Variants in FUS observed in about 807,000 individuals in gnomAD.
The protein encoded by FUS is FUS RNA binding protein.
A neutral mutation model predicts 82.7 loss-of-function variants in FUS; 5 were observed. That is an observed-to-expected ratio of 0.06 (90% CI 0.03 to 0.13). The LOEUF (loss-of-function observed/expected upper bound fraction) is 0.13. Ranked by LOEUF, FUS falls within the 10% of genes least tolerant of loss-of-function variation. The pLI is 1.00. For synonymous variants in FUS, 281 were observed against 247.4 expected (o/e 1.14, Z -1.27); for missense variants, 512 against 707.8 (o/e 0.72, Z 3.14).
rs2079225191 is a variant in FUS at position 31,184,229 on chromosome 16, G to C, written c.356G>C (p.Ser119Thr). The C allele has an allele frequency of 6.2e-7, 1 of 1,614,144 alleles. No homozygotes were observed. The highest frequency in any genetic ancestry group is 2.2e-5 in the East Asian group (1 of 44,878). ...TSGSYGSSSQ[S>T]SSYGQPQSGS... is the part of the protein sequence containing the mutation. ...CCTAGTTACGGTAGCAGTTCTCAGA[G>C]CAGCAGCTATGGGCAGCCCCAGAGT... The change falls in exon 5 of 15, where the codon AGC becomes ACC. Residue 119 changes from serine to threonine, a missense_variant. Ser to Thr is a moderately conservative substitution (Grantham distance 58). This residue lies in a region of FUS where 276 missense variants were observed against 303.3 expected (regional missense o/e 0.91). Coordinates refer to ENST00000254108, the MANE Select transcript of FUS (RefSeq NM_004960.4).
chr16:31,181,773 C>T (rs368851730), intron 1 of FUS, among the ~76,000 whole-genome samples: 1 of 152,210 alleles, frequency 6.6e-6, no homozygotes, highest in South Asian at 2.1e-4. Flanking sequence ...GAAACGAATG[C>T]GCGATGTTTT....
At chr16:31,185,361 G>A in intron 6 of FUS, 182 bp downstream of exon 6, 1 of 727,936 alleles carries the variant, frequency 1.4e-6, no homozygotes, top group East Asian at 2.7e-5. Context: ...TGAGAACTTG[G>A]GAGCCTGAAC....
rs140180227 is a variant in FUS, at chr16:31,181,767, C to T, written c.14-631C>T. On this transcript the variant is annotated intron_variant, in intron 1 of 14. Coordinates refer to ENST00000254108, the MANE Select transcript of FUS (RefSeq NM_004960.4). ...TGGCTTTCTCATAGAGTGGATGAAACGAATGCGCGATGTTTTAGAGCAATC... is the reference window on the plus strand; with the variant it reads ...TGGCTTTCTCATAGAGTGGATGAAATGAATGCGCGATGTTTTAGAGCAATC... Among the ~76,000 whole-genome samples the T allele has an allele frequency of 3.3e-4, 50 of 152,228 alleles. 1 individual carries two copies. The South Asian group carries it at 0.01, about 31-fold the overall frequency.
intron 6 of FUS, chr16:31,185,986 G>C (rs1278769839): frequency 8.5e-6 from 2 of 236,392 alleles, no homozygotes; most frequent in Non-Finnish European, 1.7e-5. Flanking sequence ...CAGTGTTACT[G>C]TTTTTGGAAA....
rs2079359505 is a variant in FUS at position 31,191,469 on chromosome 16, T to C, written c.*31T>C. 1.2e-6 allele frequency: 2 copies of C among 1,612,102 alleles called. No homozygotes were observed. The highest frequency in any genetic ancestry group is 1.7e-6 in the Non-Finnish European group (2 of 1,178,406). On this transcript the variant is annotated 3_prime_UTR_variant, in exon 15 of 15. Transcript: ENST00000254108. ...CTGGCTCCCCAGGTTCTGGAACAGC[T>C]TTTTGTCCTGTACCCAGTGTTACCC...
intron 6 of FUS, chr16:31,186,299 T>A (rs1193479342): frequency 3.3e-6 from 1 of 302,044 alleles, no homozygotes. Flanking sequence ...TAGCTAAGTT[T>A]GTCTTGCTTT....
chr16:31,185,783 C>T (rs371078626), intron 6 of FUS: 1 of 300,158 alleles, frequency 3.3e-6, no homozygotes, highest in African/African-American at 2.1e-5. Flanking sequence ...GGTCTCCCAC[C>T]TATTTGTTCC....
rs767199471 is a variant in FUS, at chr16:31,191,023, G to A, written c.1454G>A (p.Arg485Gln). 7 of 1,613,766 alleles carry A rather than the reference G, an allele frequency of 4.3e-6. No individual in the cohort carries two copies. Among genetic ancestry groups the A allele is most frequent in the Non-Finnish European group, 5.9e-6 (7 of 1,179,952 alleles). The change falls in exon 14 of 15, where the codon CGG (arginine) becomes CAG (glutamine). Residue 485 changes from arginine (R) to glutamine (Q), a missense_variant. Physicochemically the swap from Arg to Gln is conservative, Grantham distance 43. Around this residue, in one of 6 missense-constraint regions of FUS, gnomAD observed 96 missense variants for 120.7 expected, o/e 0.80. Transcript: ENST00000254108. ...GGAGGCTATGATCGAGGCGGCTACCGGGGCCGCGGCGGGGACCGTGGAGGC... is the reference window on the plus strand; with the variant it reads ...GGAGGCTATGATCGAGGCGGCTACCAGGGCCGCGGCGGGGACCGTGGAGGC... ...GRGGYDRGGY[R>Q]GRGGDRGGFR...
chr16:31,191,263 G>C, intron 14 of FUS, 136 bp from the exon 15 acceptor site: 2 of 1,461,810 alleles, frequency 1.4e-6, no homozygotes, highest in Non-Finnish European at 1.9e-6. Context: ...ATTAACTCAG[G>C]GGGAGTGAAT....
chr16:31,191,935 T>A, downstream of FUS: 1 of 534,180 alleles, frequency 1.9e-6, no homozygotes, highest in South Asian at 1.5e-5. Context: ...TCTTTGATCT[T>A]TTGGCCCTTT....
intron 5 of FUS, 85 bp from the exon 6 acceptor site, chr16:31,184,854 C>G (rs936800380): frequency 2.9e-6 from 4 of 1,367,850 alleles, no homozygotes; most frequent in Non-Finnish European, 4.1e-6. Flanking sequence ...CATTGCCTGG[C>G]ACTTGTCAAA....
chr16:31,181,421 G>A (rs2079176146), intron 1 of FUS, among the ~76,000 whole-genome samples: 1 of 152,196 alleles, frequency 6.6e-6, no homozygotes, highest in Non-Finnish European at 1.5e-5. Flanking sequence ...CAGGGTAGGT[G>A]AGAAAACGGA....
At position 31,183,898 on chromosome 16, in the gene FUS, G is replaced by T. The variant is rs746093073; in HGVS notation, c.231G>T (p.Ser77=). Residue 77 remains serine (S), a synonymous_variant, in exon 4 of 15, where the codon TCG becomes TCT. Coordinates refer to ENST00000254108, the MANE Select transcript of FUS (RefSeq NM_004960.4). The part of the protein sequence containing the change: ...GTQSTPQGYG[S]TGGYGSSQSS... ...AGTCAACTCCCCAGGGATATGGCTC[G>T]ACTGGCGGCTATGGCAGTAGCCAGA... The T allele has an allele frequency of 4.8e-5, 78 of 1,610,804 alleles. No homozygotes were observed. The highest frequency in any genetic ancestry group is 6.6e-5 in the Non-Finnish European group (78 of 1,179,356).
chr16:31,190,004 CATTT>C, intron 10 of FUS, 32 bp from the exon 11 acceptor site: 1 of 1,582,654 alleles, frequency 6.3e-7, no homozygotes, highest in Non-Finnish European at 8.6e-7. Flanking sequence ...ATGTGTCTTG[CATTT>C]AAAGTCTGTT....
downstream of FUS, chr16:31,193,393 C>T: frequency 1.9e-6 from 1 of 526,440 alleles, no homozygotes; most frequent in Non-Finnish European, 3.7e-6. Context: ...CCTGCCACTG[C>T]TGGTTTCTTT....
At chr16:31,193,527 G>A (rs781466303), downstream of FUS, 4 of 529,486 alleles carry the variant, frequency 7.6e-6, no homozygotes, top group South Asian at 4.6e-5. Flanking sequence ...TAGGAGTGGA[G>A]GAGGTCGAAG....
At chr16:31,194,137 C>T (rs182444257), downstream of FUS, 10 of 531,962 alleles carry the variant, frequency 1.9e-5, no homozygotes, top group Middle Eastern at 5.1e-4. Context: ...CATCTTGTGC[C>T]GGGCCTTCCT....
intron 1 of FUS, among the ~76,000 whole-genome samples, chr16:31,181,542 C>T (rs966207173): frequency 6.6e-6 from 1 of 152,184 alleles, no homozygotes; most frequent in African/African-American, 2.4e-5. Context: ...TTTTGATTCT[C>T]TGGCTTTGCA....
downstream of FUS, chr16:31,193,456 G>C (rs1176079004): frequency 1.5e-5 from 8 of 527,640 alleles, no homozygotes; most frequent in Non-Finnish European, 2.9e-5. Context: ...GTTCACTGTT[G>C]GTGCTTTGCC....
Sources: allele counts gnomAD v4.1 joint callset (sites outside exome capture counted in the v4.1 genomes callset), GRCh38; gene constraint gnomAD v4.1.1; regional missense constraint gnomAD v4.1.1; transcripts MANE v1.5; gene names NCBI Gene and HGNC (gene_info 2026-07-23, HGNC 2026-07-21).